Variants in RPS6KA5 observed in about 807,000 individuals in gnomAD.
RPS6KA5 encodes the protein ribosomal protein S6 kinase alpha-5.
A neutral mutation model predicts 85.5 loss-of-function variants in RPS6KA5; 27 were observed. The ratio of observed to expected loss-of-function variants is 0.32; its 90% CI spans 0.23 to 0.44. The LOEUF is 0.44. RPS6KA5 is among the 20% of genes least tolerant of loss of function. The pLI, the probability that RPS6KA5 is intolerant of heterozygous loss-of-function variation, is 1.00. For missense variants in RPS6KA5, 811 were observed against 980.9 expected (o/e 0.83, Z 2.31); for synonymous variants, 334 against 348.2 (o/e 0.96, Z 0.46).
chr14:90,912,195 A>G (rs1012083674), intron 7 of RPS6KA5, among the ~76,000 whole-genome samples: 4 of 152,210 alleles, frequency 2.6e-5, no homozygotes, highest in Admixed American at 2.0e-4. Context: ...TGCTATATAA[A>G]TAAATGTTCT....
Position 90,863,326 on chromosome 14 carries a change from A to AAG in RPS6KA5, c.*8747_*8748insCT, listed in dbSNP as rs2032659410. 7.1e-6 allele frequency: 1 copy of AAG among 141,502 alleles called. No homozygotes were observed. Among genetic ancestry groups the AAG allele is most frequent in the Non-Finnish European group, 1.5e-5 (1 of 66,682 alleles). 8.8% of individuals were successfully genotyped at this position (141,502 alleles called of 1,614,324 possible). Reference sequence around the variant, plus strand: ...TCAAAAAAAAAAAAAAAAAAAAAAAAAAAAGAAAAGAAAAGAAAAAAATAT... The same window carrying AAG: ...TCAAAAAAAAAAAAAAAAAAAAAAAAAGAAAAGAAAAGAAAAGAAAAAAATAT... On this transcript the variant is annotated 3_prime_UTR_variant, in exon 17 of 17. Coordinates refer to ENST00000614987, the MANE Select transcript of RPS6KA5 (RefSeq NM_004755.4).
Position 91,052,852 on chromosome 14 carries a change from A to AAAG in RPS6KA5, c.103+7477_103+7479dup, listed in dbSNP as rs1308282069. Among the ~76,000 whole-genome samples, 6 of 144,474 alleles carry AAAG rather than the reference A, an allele frequency of 4.2e-5. No individual in the cohort carries two copies. In the South Asian group the frequency reaches 6.4e-4, roughly 15 times the overall value. The allele number at this position is 144,474 out of a possible 152,430, so 94.8% of individuals were successfully genotyped here. On this transcript the variant is annotated intron_variant, in intron 1 of 16. Transcript: ENST00000614987. ...CATCTCCAAAAAAAAAAAAAAAAAA[A>AAAG]AAGCTCTTTAGTTGGTGACAGAACT... is the stretch of plus-strand genomic sequence containing the variant.
intron 1 of RPS6KA5, among the ~76,000 whole-genome samples, chr14:91,040,105 T>C (rs573886529): frequency 6.6e-6 from 1 of 152,316 alleles, no homozygotes; most frequent in Non-Finnish European, 1.5e-5. Flanking sequence ...GTGAATGGCA[T>C]GCCACTAAAT....
rs935313967 is a variant in RPS6KA5 at position 90,923,002 on chromosome 14, A to G, written c.702+111T>C. ...AAAGAGAAAAAAAGGAAGGTAAGAC[A>G]ATCAACACCAGAAAGACGGCTCTGT... On this transcript the variant is annotated intron_variant, in intron 6 of 16. Transcript: ENST00000614987. 1.2e-5 allele frequency: 9 copies of G among 720,036 alleles called. No homozygotes were observed. The African/African-American group carries it at 1.6e-4, about 13-fold the overall frequency. The allele number at this position is 720,036 out of a possible 1,614,324, so 44.6% of individuals were successfully genotyped here.
chr14:91,054,608 C>A (rs1005606520), intron 1 of RPS6KA5, among the ~76,000 whole-genome samples: 2 of 150,028 alleles, frequency 1.3e-5, no homozygotes, highest in East Asian at 3.9e-4. Context: ...CTGCATTCCA[C>A]CTGGGCAACA....
chr14:90,978,482 T>C lies in RPS6KA5; in HGVS notation c.218A>G (p.Asp73Gly), dbSNP rs768094502. Residue 73 changes from aspartate (D) to glycine (G), a missense_variant, in exon 3 of 17, where the codon GAT becomes GGT. This residue lies in a region of RPS6KA5 where 113 missense variants were observed against 100.0 expected (regional missense o/e 1.13). Coordinates refer to ENST00000614987, the MANE Select transcript of RPS6KA5 (RefSeq NM_004755.4). ...TTTCATGGCATACAGCTTTCCAGTATCATGGCCACTTATTTTACGAACTAG... is the reference window on the plus strand; with the variant it reads ...TTTCATGGCATACAGCTTTCCAGTACCATGGCCACTTATTTTACGAACTAG... The part of the protein sequence containing the change: ...VFLVRKISGH[D>G]TGKLYAMKVL... The C allele has an allele frequency of 5.6e-6, 9 of 1,605,628 alleles. No individual in the cohort carries two copies. In the East Asian group the frequency reaches 1.6e-4, roughly 28 times the overall value.
chr14:91,020,596 GTGTATGTATATATCCTAT>G (rs2041716237), intron 1 of RPS6KA5, among the ~76,000 whole-genome samples: 1 of 136,234 alleles, frequency 7.3e-6, no homozygotes, highest in African/African-American at 2.7e-5. Context: ...ATATGTGTAT[GTGTATGTATATATCCTAT>G]TGTGTGTGTG....
intron 6 of RPS6KA5, 150 bp downstream of exon 6, chr14:90,922,963 A>G: frequency 1.7e-6 from 1 of 605,656 alleles, no homozygotes; most frequent in East Asian, 2.8e-5. Context: ...TAATGTGTTC[A>G]GGAATACAAA....
chr14:90,949,112 G>C (rs1376650380), intron 3 of RPS6KA5, among the ~76,000 whole-genome samples: 1 of 152,114 alleles, frequency 6.6e-6, no homozygotes, highest in African/African-American at 2.4e-5. Flanking sequence ...TTATTAAAAA[G>C]GTGTAAAGGA....
In RPS6KA5 at chr14:91,019,909, T is replaced by C. The variant is rs369185690; in HGVS notation, c.104-18750A>G. On this transcript the variant is annotated intron_variant, in intron 1 of 16. Transcript: ENST00000614987. ...CAACTCTGTCATTGTATGAACACCA[T>C]AGAATGTGCTTACTCAAACCTAGAT... Among the ~76,000 whole-genome samples, 11 of 152,328 alleles carry C rather than the reference T, an allele frequency of 7.2e-5. No individual in the cohort carries two copies. In the East Asian group the frequency reaches 9.6e-4, roughly 13 times the overall value.
chr14:91,022,261 A>G (rs962591343), intron 1 of RPS6KA5, among the ~76,000 whole-genome samples: 2 of 152,256 alleles, frequency 1.3e-5, no homozygotes, highest in Non-Finnish European at 2.9e-5. Context: ...CAAAAAGCAT[A>G]TAGCCAACTT....
Position 91,056,753 on chromosome 14 carries a change from C to T in RPS6KA5, c.103+3579G>A, listed in dbSNP as rs565631586. Among the ~76,000 whole-genome samples the T allele has an allele frequency of 9.3e-5, 14 of 150,550 alleles. No homozygotes were observed. The South Asian group carries it at 2.9e-3, about 32-fold the overall frequency. On this transcript the variant is annotated intron_variant, in intron 1 of 16. Coordinates refer to ENST00000614987, the MANE Select transcript of RPS6KA5 (RefSeq NM_004755.4). ...AACCCAATCTCCTTCCAATAATATC[C>T]TTTTTGTTATTGTTGTTGAAGATTT...
rs1321627129 is a variant in RPS6KA5 at position 91,013,209 on chromosome 14, A to G, written c.104-12050T>C. Among the ~76,000 whole-genome samples the G allele has an allele frequency of 3.3e-5, 5 of 152,346 alleles. No homozygotes were observed. In the East Asian group the frequency reaches 7.7e-4, roughly 24 times the overall value. ...TCACCAGACTCTACATGTAAGCTAT[A>G]GTATATTAATTGAACAAACATCTTG... is the stretch of plus-strand genomic sequence containing the variant. On this transcript the variant is annotated intron_variant, in intron 1 of 16. Coordinates refer to ENST00000614987, the MANE Select transcript of RPS6KA5 (RefSeq NM_004755.4).
intron 5 of RPS6KA5, among the ~76,000 whole-genome samples, chr14:90,932,425 C>A (rs1036959626): frequency 6.6e-6 from 1 of 152,144 alleles, no homozygotes; most frequent in Non-Finnish European, 1.5e-5. Flanking sequence ...CAGGCATCAG[C>A]CCAGGCAATT....
At position 90,858,401 on chromosome 14, in the gene RPS6KA5, T is replaced by C; in HGVS notation, c.*13673A>G. The C allele has an allele frequency of 6.6e-6, 1 of 152,180 alleles. No individual in the cohort carries two copies. Among genetic ancestry groups the C allele is most frequent in the East Asian group, 1.9e-4 (1 of 5,200 alleles). 9.4% of individuals were successfully genotyped at this position (152,180 alleles called of 1,614,324 possible). A position where few individuals can be genotyped will look rare whatever the true frequency, so the allele number is the denominator to read the frequency against. ...TCACGTGTAGGAATGCTACATTTTC[T>C]AGGATTCGACATTTTCAGCGATCGA... On this transcript the variant is annotated 3_prime_UTR_variant, in exon 17 of 17. Coordinates refer to ENST00000614987, the MANE Select transcript of RPS6KA5 (RefSeq NM_004755.4).
intron 2 of RPS6KA5, among the ~76,000 whole-genome samples, chr14:90,994,561 A>AGTTT (rs1416785053): frequency 1.6e-5 from 1 of 61,922 alleles, no homozygotes; most frequent in African/African-American, 6.3e-5. Context: ...GATGTTTGTG[A>AGTTT]TTTTTTTTTT....
intron 3 of RPS6KA5, among the ~76,000 whole-genome samples, chr14:90,959,504 T>C (rs1352161570): frequency 6.6e-6 from 1 of 152,214 alleles, no homozygotes; most frequent in Non-Finnish European, 1.5e-5. Context: ...GGACTCAGCA[T>C]AACTGAGCAA....
intron 3 of RPS6KA5, among the ~76,000 whole-genome samples, chr14:90,959,711 CA>C (rs1016954176): frequency 3.3e-5 from 5 of 152,292 alleles, no homozygotes; most frequent in Admixed American, 1.3e-4. Flanking sequence ...TTCCATGAAC[CA>C]TGGTGAAAGC....
rs1031467191 is a variant in RPS6KA5 at position 90,848,763 on chromosome 14, C to T, written c.*23311G>A. 4 of 152,144 alleles carry T rather than the reference C, an allele frequency of 2.6e-5. No homozygotes were observed. Among genetic ancestry groups the T allele is most frequent in the African/African-American group, 7.2e-5 (3 of 41,440 alleles). The allele number at this position is 152,144 out of a possible 1,614,324, so 9.4% of individuals were successfully genotyped here. ...AAGGGCTTTTTAAAGAGGCTAAAGA[C>T]ATTCTAATTGCCATCCAAATTGATG... On this transcript the variant is annotated 3_prime_UTR_variant, in exon 17 of 17. Coordinates refer to ENST00000614987, the MANE Select transcript of RPS6KA5 (RefSeq NM_004755.4).
Sources: allele counts gnomAD v4.1 joint callset (sites outside exome capture counted in the v4.1 genomes callset), GRCh38; gene constraint gnomAD v4.1.1; regional missense constraint gnomAD v4.1.1; transcripts MANE v1.5; gene names NCBI Gene and HGNC (gene_info 2026-07-23, HGNC 2026-07-21).